ZNF723: variants seen among roughly 807,000 people sequenced by gnomAD.
ZNF723 encodes the protein zinc finger protein 723, pseudogene.
Under a neutral mutation model 9.4 loss-of-function variants are expected in ZNF723, and 5 were observed. The observed-to-expected ratio is 0.53, with a 90% CI of 0.28 to 1.12. The LOEUF is 1.12. Ranked by LOEUF, ZNF723 falls within the 50% of genes most tolerant of loss-of-function variation. The pLI is 0.10. For synonymous variants in ZNF723, 158 were observed against 168.8 expected (o/e 0.94, Z 0.49); for missense variants, 450 against 501.5 (o/e 0.90, Z 0.98).
chr19:22,857,085 G>A, intron 3 of ZNF723, 33 bp from the exon 4 acceptor site: 1 of 753,808 alleles, frequency 1.3e-6, no homozygotes, highest in Non-Finnish European at 2.2e-6. Flanking sequence ...AGTCTAGTAA[G>A]ATGAAGTAAT....
At chr19:22,844,835 A>T (rs1967287863) in intron 1 of ZNF723, among the ~76,000 whole-genome samples, 1 of 152,200 alleles carries the variant, frequency 6.6e-6, no homozygotes, top group African/African-American at 2.4e-5. Context: ...TAAAACACAC[A>T]TTCATGGCCG....
chr19:22,845,484 C>T (rs1967295876), intron 1 of ZNF723, among the ~76,000 whole-genome samples: 1 of 151,734 alleles, frequency 6.6e-6, no homozygotes, highest in South Asian at 2.1e-4. Context: ...GTTGAAGATA[C>T]ACTCATGAGA....
the ZNF723 span, among the ~76,000 whole-genome samples, chr19:22,825,640 C>T: frequency 9.9e-5 from 15 of 152,194 alleles, no homozygotes; most frequent in Non-Finnish European, 1.8e-4. Flanking sequence ...AGCATTGTGG[C>T]ATATCACTGA....
intron 3 of ZNF723, 104 bp from the exon 4 acceptor site, chr19:22,857,014 T>C: frequency 1.9e-6 from 1 of 518,846 alleles, no homozygotes; most frequent in Non-Finnish European, 3.4e-6. Context: ...GGTATTTTGC[T>C]ATGCCATCTT....
chr19:22,827,442 TTTTGTTTGTTTG>T (rs34989962), upstream of ZNF723, among the ~76,000 whole-genome samples: 2 of 130,302 alleles, frequency 1.5e-5, no homozygotes, highest in Non-Finnish European at 3.5e-5. Flanking sequence ...TTTTTTGTTT[TTTTGTTTGTTTG>T]TTTGTTTGTT....
chr19:22,853,306 G>C lies in ZNF723; in HGVS notation c.227-3812G>C, dbSNP rs138088803. Among the ~76,000 whole-genome samples, 413 of 151,852 alleles carry C rather than the reference G, an allele frequency of 2.7e-3. 3 individuals carry two copies. Among genetic ancestry groups the C allele is most frequent in the African/African-American group, 9.3e-3 (384 of 41,440 alleles). The stretch of plus-strand genomic sequence containing the variant: ...ATTGTTGAGTATTTTATTTTCTCTT[G>C]AGATTCCATATACTTTTGCTATTGC... On this transcript the variant is annotated intron_variant, in intron 3 of 3. Coordinates refer to ENST00000600766, the MANE Select transcript of ZNF723 (RefSeq NM_001349726.2).
rs138998818 is a variant in ZNF723, at chr19:22,833,238, C to T, written c.3+856C>T. On this transcript the variant is annotated intron_variant, in intron 1 of 3. Transcript: ENST00000600766. Reference sequence around the variant, plus strand: ...CGCAATCTCGGCTCACTGCAGTCTCCGCCTTCCTGTTTCAAGCGATTCTCC... The same window carrying T: ...CGCAATCTCGGCTCACTGCAGTCTCTGCCTTCCTGTTTCAAGCGATTCTCC... Among the ~76,000 whole-genome samples, 377 of 152,140 alleles carry T rather than the reference C, an allele frequency of 2.5e-3. 2 individuals carry two copies. Among genetic ancestry groups the T allele is most frequent in the African/African-American group, 8.7e-3 (363 of 41,516 alleles).
At chr19:22,856,329 C>G (rs532693630) in intron 3 of ZNF723, among the ~76,000 whole-genome samples, 48 of 152,114 alleles carry the variant, frequency 3.2e-4, no homozygotes, top group African/African-American at 1.2e-3. Context: ...ATATTTCATA[C>G]TTTTGTTACC....
At chr19:22,844,725 A>C (rs34897621) in intron 1 of ZNF723, among the ~76,000 whole-genome samples, 31,996 of 152,116 alleles carry the variant, frequency 0.21, 4,002 homozygotes, top group African/African-American at 0.35. Flanking sequence ...TGTGTTGTGA[A>C]AAGAGTACGG....
chr19:22,842,268 G>A (rs1215249093), intron 1 of ZNF723, among the ~76,000 whole-genome samples: 2 of 152,144 alleles, frequency 1.3e-5, no homozygotes, highest in South Asian at 2.1e-4. Context: ...GCCTTCCAAA[G>A]TGCTGGAAAA....
At chr19:22,826,942 T>G in the ZNF723 span, among the ~76,000 whole-genome samples, 1 of 152,348 alleles carries the variant, frequency 6.6e-6, no homozygotes, top group East Asian at 1.9e-4. Flanking sequence ...AACAGAATAT[T>G]GATCCACTGC....
the ZNF723 span, among the ~76,000 whole-genome samples, chr19:22,814,202 C>T: frequency 1.3e-5 from 2 of 152,158 alleles, no homozygotes; most frequent in African/African-American, 2.4e-5. Flanking sequence ...CATATCTGGG[C>T]TTAATTACCT....
intron 3 of ZNF723, among the ~76,000 whole-genome samples, chr19:22,851,849 C>G (rs550261235): frequency 3.3e-4 from 50 of 152,218 alleles, no homozygotes; most frequent in African/African-American, 1.2e-3. Flanking sequence ...GGCAATGGCG[C>G]GATCTGGGCT....
upstream of ZNF723, among the ~76,000 whole-genome samples, chr19:22,829,619 CA>C (rs1263222076): frequency 2.6e-5 from 4 of 152,102 alleles, no homozygotes; most frequent in African/African-American, 9.7e-5. Flanking sequence ...AGAGTGATAT[CA>C]ATATCTAAAG....
chr19:22,857,945 C>G lies in ZNF723; in HGVS notation c.1054C>G (p.Gln352Glu). 6.7e-7 allele frequency: 1 copy of G among 1,482,370 alleles called. No individual in the cohort carries two copies. The highest frequency in any genetic ancestry group is 1.1e-5 in the South Asian group (1 of 88,192). The allele number at this position is 1,482,370 out of a possible 1,614,324, so 91.8% of individuals were successfully genotyped here. ...TGAAGAATGTGGCAAAGCATTCAGC[C>G]AGTCCTCACACATTACTACACATAA... ...KCEECGKAFS[Q>E]SSHITTHKRI... The change falls in exon 4 of 4, where the codon CAG becomes GAG. Residue 352 changes from glutamine to glutamate, a missense_variant. Transcript: ENST00000600766.
chr19:22,813,676 T>C, the ZNF723 span, among the ~76,000 whole-genome samples: 2 of 151,828 alleles, frequency 1.3e-5, no homozygotes, highest in South Asian at 4.2e-4. Flanking sequence ...AGGAGGTGGG[T>C]GTTGCAGTGA....
intron 2 of ZNF723, among the ~76,000 whole-genome samples, 199 bp from the exon 3 acceptor site, chr19:22,848,999 C>T (rs1362930836): frequency 6.6e-6 from 1 of 152,052 alleles, no homozygotes; most frequent in Non-Finnish European, 1.5e-5. Flanking sequence ...AAGTGATCCA[C>T]CCTCCTTGGC....
intron 2 of ZNF723, 37 bp downstream of exon 2, chr19:22,848,424 T>G (rs1336214916): frequency 1.6e-6 from 2 of 1,274,706 alleles, no homozygotes; most frequent in Non-Finnish European, 2.2e-6. Flanking sequence ...TCAGATACTG[T>G]AAATGTTTCT....
chr19:22,848,425 A>G (rs1352887383), intron 2 of ZNF723, 38 bp downstream of exon 2: 1 of 1,274,848 alleles, frequency 7.8e-7, no homozygotes, highest in African/African-American at 1.5e-5. Context: ...CAGATACTGT[A>G]AATGTTTCTT....
Sources: allele counts gnomAD v4.1 joint callset (sites outside exome capture counted in the v4.1 genomes callset), GRCh38; gene constraint gnomAD v4.1.1; transcripts MANE v1.5; gene names NCBI Gene and HGNC (gene_info 2026-07-23, HGNC 2026-07-21).